The following DAD1 variants were observed in gnomAD, a reference collection of about 807,000 sequenced individuals.
DAD1 encodes defender against cell death 1.
A neutral mutation model predicts 9.0 loss-of-function variants in DAD1; 4 were observed. The observed-to-expected ratio is 0.44, with a 90% CI of 0.22 to 1.01. The LOEUF (loss-of-function observed/expected upper bound fraction) is 1.01. Among genes scored for constraint, DAD1 ranks in the 50% least tolerant of loss-of-function variants. The pLI, the probability that DAD1 is intolerant of heterozygous loss-of-function variation, is 0.24. For synonymous variants in DAD1, 60 were observed against 62.5 expected, an observed-to-expected ratio of 0.96 and a Z score of 0.19; for missense variants, 119 against 137.3, an observed-to-expected ratio of 0.87 and a Z score of 0.67.
chr14:22,574,966 T>C (rs1390706095), intron 2 of DAD1, 93 bp downstream of exon 2: 2 of 1,084,592 alleles, frequency 1.8e-6, no homozygotes, highest in Admixed American at 2.4e-5. Flanking sequence ...AATAGCAGTA[T>C]GGGAGCCTGG....
intron 1 of DAD1, among the ~76,000 whole-genome samples, chr14:22,581,783 A>G (rs571314339): frequency 1.3e-5 from 2 of 150,398 alleles, no homozygotes; most frequent in East Asian, 2.0e-4. Context: ...AGGACAGACC[A>G]ACAAGACTAT....
chr14:22,587,020 A>G (rs2037157362), intron 1 of DAD1, among the ~76,000 whole-genome samples: 1 of 152,150 alleles, frequency 6.6e-6, no homozygotes, highest in African/African-American at 2.4e-5. Context: ...TTTTTCTTCA[A>G]TGACAAGCCA....
chr14:22,577,835 A>G (rs2037088165), intron 1 of DAD1, among the ~76,000 whole-genome samples: 2 of 150,924 alleles, frequency 1.3e-5, no homozygotes, highest in South Asian at 4.2e-4. Context: ...GGAAGACAAA[A>G]AAGTTCTGGA....
At chr14:22,577,887 T>C (rs1251935714) in intron 1 of DAD1, among the ~76,000 whole-genome samples, 2 of 152,240 alleles carry the variant, frequency 1.3e-5, no homozygotes, top group South Asian at 4.1e-4. Context: ...TACATGTACT[T>C]AATGCCACAG....
chr14:22,588,948 C>T lies in DAD1; in HGVS notation c.210G>A (p.Ala70=). 6.2e-7 allele frequency: 1 copy of T among 1,613,940 alleles called. No individual in the cohort carries two copies. Among genetic ancestry groups the T allele is most frequent in the Non-Finnish European group, 8.5e-7 (1 of 1,179,944 alleles). The part of the protein sequence containing the change: ...FISCVGSFIL[A]VCLRIQINPQ... ...TATGATCACTTATAGAACCATTACC[C>T]GCTAGGATGAAACTCCCCACACAAG... Residue 70 remains alanine (A), a splice_region_variant and synonymous_variant, in exon 1 of 3, where the codon GCG becomes GCA. Transcript: ENST00000250498.
intron 1 of DAD1, among the ~76,000 whole-genome samples, chr14:22,586,998 C>A (rs1594885581): frequency 6.6e-6 from 1 of 152,130 alleles, no homozygotes; most frequent in Non-Finnish European, 1.5e-5. Flanking sequence ...ACTAATATGC[C>A]CTTTTACTAG....
At position 22,589,180 on chromosome 14, in the gene DAD1, T is replaced by C; in HGVS notation, c.-23A>G. 1.9e-6 allele frequency: 3 copies of C among 1,613,206 alleles called. No individual in the cohort carries two copies. Among genetic ancestry groups the C allele is most frequent in the South Asian group, 1.1e-5 (1 of 91,010 alleles). ...CATAACTGCACGCAAGGTACTCCGG[T>C]CCGCGCCCCAAACTCTTGGAGGACC... On this transcript the variant is annotated 5_prime_UTR_variant, in exon 1 of 3. Coordinates refer to ENST00000250498, the MANE Select transcript of DAD1 (RefSeq NM_001344.4).
In DAD1 at chr14:22,588,948, C is replaced by A; in HGVS notation, c.210G>T (p.Ala70=). The change falls in exon 1 of 3, where the codon GCG becomes GCT. Residue 70 remains alanine (A), a splice_region_variant and synonymous_variant. Transcript: ENST00000250498. ...FISCVGSFIL[A]VCLRIQINPQ... ...TATGATCACTTATAGAACCATTACC[C>A]GCTAGGATGAAACTCCCCACACAAG... The A allele has an allele frequency of 6.2e-7, 1 of 1,613,940 alleles. No homozygotes were observed. The highest frequency in any genetic ancestry group is 8.5e-7 in the Non-Finnish European group (1 of 1,179,944).
intron 1 of DAD1, among the ~76,000 whole-genome samples, chr14:22,576,934 A>G (rs5742785): frequency 0.092 from 13,997 of 152,234 alleles, 1,185 homozygotes; most frequent in African/African-American, 0.22. Flanking sequence ...ATCACCTCAC[A>G]TCTATTAGGA....
chr14:22,572,498 A>G (rs994987029), intron 2 of DAD1, among the ~76,000 whole-genome samples: 4 of 152,190 alleles, frequency 2.6e-5, no homozygotes, highest in African/African-American at 9.6e-5. Context: ...TACTCTCCAT[A>G]GAAAGATTTA....
intron 1 of DAD1, among the ~76,000 whole-genome samples, chr14:22,584,113 G>A (rs1298166947): frequency 6.6e-6 from 1 of 152,062 alleles, no homozygotes; most frequent in Non-Finnish European, 1.5e-5. Context: ...TACAAACTCT[G>A]TGAGAGTAGA....
chr14:22,579,233 A>G (rs543864918), intron 1 of DAD1, among the ~76,000 whole-genome samples: 1 of 152,006 alleles, frequency 6.6e-6, no homozygotes, highest in African/African-American at 2.4e-5. Flanking sequence ...AAAAAAAAAA[A>G]CAGGCAGTTC....
intron 2 of DAD1, among the ~76,000 whole-genome samples, chr14:22,566,636 T>G (rs5742859): frequency 0.094 from 14,306 of 152,268 alleles, 1,242 homozygotes; most frequent in African/African-American, 0.23. Context: ...CTACATTACA[T>G]TTCTAATGGC....
In DAD1 at chr14:22,565,128, A is replaced by T; in HGVS notation, c.*54T>A. 1 of 702,292 alleles carries T rather than the reference A, an allele frequency of 1.4e-6. No individual in the cohort carries two copies. The highest frequency in any genetic ancestry group is 2.6e-6 in the Non-Finnish European group (1 of 384,798). The allele number at this position is 702,292 out of a possible 1,614,324, so 43.5% of individuals were successfully genotyped here. A position where few individuals can be genotyped will look rare whatever the true frequency, so the allele number is the denominator to read the frequency against. On this transcript the variant is annotated 3_prime_UTR_variant, in exon 3 of 3. Coordinates refer to ENST00000250498, the MANE Select transcript of DAD1 (RefSeq NM_001344.4). ...CCAGAACTCTTATCCAGGAAATTCA[A>T]AGAGTGAACCTAGAAGAAAAAAGCA...
At chr14:22,578,988 A>T (rs2037097485) in intron 1 of DAD1, among the ~76,000 whole-genome samples, 1 of 152,212 alleles carries the variant, frequency 6.6e-6, no homozygotes. Flanking sequence ...AAAAAGTTAT[A>T]AAAATGTGAA....
intron 1 of DAD1, among the ~76,000 whole-genome samples, chr14:22,582,837 C>T (rs1392950945): frequency 6.6e-6 from 1 of 151,870 alleles, no homozygotes; most frequent in Non-Finnish European, 1.5e-5. Context: ...GAAACCTCGT[C>T]TCTACTAAAA....
At chr14:22,585,545 T>A (rs1164460581) in intron 1 of DAD1, among the ~76,000 whole-genome samples, 1 of 152,214 alleles carries the variant, frequency 6.6e-6, no homozygotes, top group Non-Finnish European at 1.5e-5. Flanking sequence ...GAGGTCCTTT[T>A]AAAGCCAATA....
intron 1 of DAD1, among the ~76,000 whole-genome samples, chr14:22,582,108 G>A (rs1229690823): frequency 6.6e-6 from 1 of 152,124 alleles, no homozygotes; most frequent in East Asian, 1.9e-4. Flanking sequence ...TAGGGAGGCT[G>A]AGGCAGAAGA....
At chr14:22,586,199 C>CA (rs11357700) in intron 1 of DAD1, among the ~76,000 whole-genome samples, 42,725 of 122,194 alleles carry the variant, frequency 0.35, 6,807 homozygotes, top group African/African-American at 0.41. Context: ...GACTCCGTCT[C>CA]AAAAAAAAAA....
Sources: gnomAD v4.1 joint callset for allele counts (sites outside exome capture counted in the v4.1 genomes callset) on GRCh38, gnomAD v4.1.1 for gene constraint, MANE v1.5 for transcripts, NCBI Gene and HGNC (gene_info 2026-07-23, HGNC 2026-07-21) for gene names.